The following CILK1 variants were observed in gnomAD, a reference collection of about 807,000 sequenced individuals.
The protein encoded by CILK1 is serine/threonine-protein kinase ICK.
A neutral mutation model predicts 79.2 loss-of-function variants in CILK1; 47 were observed. The observed-to-expected ratio is 0.59, with a 90% CI of 0.47 to 0.76. The LOEUF (loss-of-function observed/expected upper bound fraction) is 0.76, where lower values mean the gene tolerates loss of function less well. Ranked by LOEUF, CILK1 falls within the 30% of genes least tolerant of loss-of-function variation. The probability of loss-of-function intolerance (pLI) is 0.00; values close to 1 mark genes in which losing one functional copy is unlikely to be tolerated. For synonymous variants in CILK1, 266 were observed against 275.9 expected, an observed-to-expected ratio of 0.96 and a Z score of 0.36; for missense variants, 660 against 769.5, an observed-to-expected ratio of 0.86 and a Z score of 1.68.
intron 5 of CILK1, among the ~76,000 whole-genome samples, chr6:53,022,597 G>T (rs1237075961): frequency 6.6e-6 from 1 of 152,166 alleles, no homozygotes; most frequent in Non-Finnish European, 1.5e-5. Flanking sequence ...ACATTTCTCA[G>T]AACATATCCA....
At chr6:53,012,298 T>C in intron 9 of CILK1, 71 bp from the exon 10 acceptor site, 1 of 1,418,740 alleles carries the variant, frequency 7.0e-7, no homozygotes, top group Non-Finnish European at 9.9e-7. Flanking sequence ...GTAATCTCCA[T>C]CTGAACTTTC....
At chr6:53,024,826 G>A (rs1765469035) in intron 5 of CILK1, among the ~76,000 whole-genome samples, 2 of 135,448 alleles carry the variant, frequency 1.5e-5, no homozygotes, top group South Asian at 5.5e-4. Context: ...AATCCATATA[G>A]CTAAATCTTT....
At chr6:53,040,979 A>G (rs1276220614) in intron 2 of CILK1, among the ~76,000 whole-genome samples, 157 bp downstream of exon 2, 1 of 152,224 alleles carries the variant, frequency 6.6e-6, no homozygotes, top group East Asian at 1.9e-4. Flanking sequence ...GACCTCTAAC[A>G]TGAGTGTTAC....
At position 53,004,935 on chromosome 6, in the gene CILK1, AAAT is replaced by A. The variant is rs1349345705; in HGVS notation, c.*211_*213del. 2 of 496,910 alleles carry A rather than the reference AAAT, an allele frequency of 4.0e-6. No homozygotes were observed. The highest frequency in any genetic ancestry group is 7.1e-6 in the Non-Finnish European group (2 of 283,106). The allele number at this position is 496,910 out of a possible 1,614,324, so 30.8% of individuals were successfully genotyped here. ...AATAATGGGACCCAGTTTTAGAATA[AAAT>A]AATTTTATACAAAAAAGCCTACTGC... On this transcript the variant is annotated 3_prime_UTR_variant, in exon 14 of 14. Transcript: ENST00000676107.
rs963231231 is a variant in CILK1, at chr6:53,059,900, G to A, written c.-173+1696C>T. Reference sequence around the variant, plus strand: ...TTCATTCAGCAACCATTTAATGAGAGCTTACTAAGAGTCAGGCTTGGGAGG... The same window carrying A: ...TTCATTCAGCAACCATTTAATGAGAACTTACTAAGAGTCAGGCTTGGGAGG... On this transcript the variant is annotated intron_variant, in intron 1 of 13. Transcript: ENST00000676107. 9.8e-5 allele frequency among the ~76,000 whole-genome samples: 15 copies of A among 152,324 alleles called. No individual in the cohort carries two copies. The East Asian group carries it at 1.3e-3, about 14-fold the overall frequency.
At chr6:53,005,326 G>T (rs751536705) in intron 13 of CILK1, 23 bp from the exon 14 acceptor site, 5 of 1,613,846 alleles carry the variant, frequency 3.1e-6, no homozygotes, top group Non-Finnish European at 4.2e-6. Flanking sequence ...AAAAAGGCCG[G>T]CATGACTGAT....
At chr6:53,008,208 T>C (rs948449000) in intron 12 of CILK1, among the ~76,000 whole-genome samples, 1 of 151,508 alleles carries the variant, frequency 6.6e-6, no homozygotes, top group Admixed American at 6.6e-5. Flanking sequence ...TAATATATGA[T>C]ATATATCTCT....
In CILK1 at chr6:53,041,406, T is replaced by C; in HGVS notation, c.-170A>G. ...TACATATTTCCAAAAATCAGTCTTC[T>C]GCCTGCAGAGAAAAATGAGAGACAA... On this transcript the variant is annotated splice_region_variant and 5_prime_UTR_variant, in exon 2 of 14. Transcript: ENST00000676107. 1.6e-6 allele frequency: 1 copy of C among 617,878 alleles called. No homozygotes were observed. The highest frequency in any genetic ancestry group is 2.9e-6 in the Non-Finnish European group (1 of 340,778). 38.3% of individuals were successfully genotyped at this position (617,878 alleles called of 1,614,324 possible). A position where few individuals can be genotyped will look rare whatever the true frequency, so the allele number is the denominator to read the frequency against.
intron 5 of CILK1, among the ~76,000 whole-genome samples, chr6:53,027,650 T>C (rs1765658492): frequency 6.6e-6 from 1 of 152,210 alleles, no homozygotes; most frequent in South Asian, 2.1e-4. Context: ...CACGTGCACT[T>C]AACCAAAGTC....
intron 13 of CILK1, 61 bp from the exon 14 acceptor site, chr6:53,005,364 T>C: frequency 6.4e-7 from 1 of 1,574,276 alleles, no homozygotes; most frequent in Non-Finnish European, 8.7e-7. Flanking sequence ...AAAGTACAAA[T>C]AAATGCATTT....
At chr6:53,035,410 A>C (rs150993564) in intron 3 of CILK1, among the ~76,000 whole-genome samples, 2,347 of 152,308 alleles carry the variant, frequency 0.015, 41 homozygotes, top group East Asian at 0.063. Flanking sequence ...AAAAAAAACC[A>C]AAACAGCAAA....
intron 11 of CILK1, among the ~76,000 whole-genome samples, chr6:53,010,909 G>A (rs1764532937): frequency 6.6e-6 from 1 of 152,232 alleles, no homozygotes; most frequent in Non-Finnish European, 1.5e-5. Context: ...GTAGACTACA[G>A]TGTGAAGGAA....
At chr6:53,017,772 C>T (rs572346482) in intron 7 of CILK1, among the ~76,000 whole-genome samples, 1 of 152,252 alleles carries the variant, frequency 6.6e-6, no homozygotes, top group South Asian at 2.1e-4. Flanking sequence ...TACCCACCAA[C>T]CGCTTAGATG....
chr6:53,029,500 G>T (rs1765789072), intron 5 of CILK1, among the ~76,000 whole-genome samples: 2 of 152,198 alleles, frequency 1.3e-5, no homozygotes, highest in African/African-American at 4.8e-5. Flanking sequence ...GCCTAGGTTT[G>T]TCTGTGTTTC....
Position 53,045,159 on chromosome 6 carries a change from C to T in CILK1, c.-172-3751G>A, listed in dbSNP as rs559369642. Among the ~76,000 whole-genome samples the T allele has an allele frequency of 1.1e-3, 162 of 152,276 alleles. 1 individual carries two copies. The Middle Eastern group carries it at 0.017, about 16-fold the overall frequency. On this transcript the variant is annotated intron_variant, in intron 1 of 13. Transcript: ENST00000676107. ...ACAAATGCAGACTTATTTAATACAACTTGTTGAGAAGACAGAACACTATCA... is the reference window on the plus strand; with the variant it reads ...ACAAATGCAGACTTATTTAATACAATTTGTTGAGAAGACAGAACACTATCA...
chr6:53,019,661 C>CTG (rs2127420595), intron 5 of CILK1, among the ~76,000 whole-genome samples: 1 of 152,098 alleles, frequency 6.6e-6, no homozygotes, highest in African/African-American at 2.4e-5. Flanking sequence ...CAAAAATAAA[C>CTG]TGTCACTCAA....
In CILK1 at chr6:53,013,831, T is replaced by C; in HGVS notation, c.983A>G (p.Lys328Arg). ...KPVPPAQPPAKPHTRISSRQH... is the reference protein window; with the variant it reads ...KPVPPAQPPARPHTRISSRQH... Reference sequence around the variant, plus strand: ...TCGTGAAGAAATTCGTGTGTGTGGCTTGGCTGGTGGCTGGGCAGGTGGGAC... The same window carrying C: ...TCGTGAAGAAATTCGTGTGTGTGGCCTGGCTGGTGGCTGGGCAGGTGGGAC... The change falls in exon 9 of 14, where the codon AAG becomes AGG. Residue 328 changes from lysine to arginine, a missense_variant. By Grantham distance (26) the Lys-to-Arg change is conservative (BLOSUM62 2). Transcript: ENST00000676107. 6.2e-7 allele frequency: 1 copy of C among 1,613,880 alleles called. No individual in the cohort carries two copies. The highest frequency in any genetic ancestry group is 8.5e-7 in the Non-Finnish European group (1 of 1,179,794).
In CILK1 at chr6:53,004,583, T is replaced by C. The variant is rs1764113052; in HGVS notation, c.*566A>G. 6.5e-6 allele frequency: 1 copy of C among 153,462 alleles called. No homozygotes were observed. The highest frequency in any genetic ancestry group is 2.0e-4 in the South Asian group (1 of 4,900). 9.5% of individuals were successfully genotyped at this position (153,462 alleles called of 1,614,324 possible). A position where few individuals can be genotyped will look rare whatever the true frequency, so the allele number is the denominator to read the frequency against. On this transcript the variant is annotated 3_prime_UTR_variant, in exon 14 of 14. Transcript: ENST00000676107. ...AGAACAGCAGAGTGGTATCCAAAAATCAAACCAATGACCTACTAAGAAAAG... is the reference window on the plus strand; with the variant it reads ...AGAACAGCAGAGTGGTATCCAAAAACCAAACCAATGACCTACTAAGAAAAG...
intron 3 of CILK1, among the ~76,000 whole-genome samples, chr6:53,034,296 T>G (rs1384400183): frequency 6.6e-6 from 1 of 152,210 alleles, no homozygotes; most frequent in Non-Finnish European, 1.5e-5. Context: ...GCCAACTCTA[T>G]GGCAGCTCAC....
Sources: allele counts gnomAD v4.1 joint callset (sites outside exome capture counted in the v4.1 genomes callset), GRCh38; gene constraint gnomAD v4.1.1; transcripts MANE v1.5; gene names NCBI Gene and HGNC (gene_info 2026-07-23, HGNC 2026-07-21).